The following DCLRE1C variants were observed in gnomAD, a reference collection of about 807,000 sequenced individuals.
DCLRE1C encodes protein artemis.
A neutral mutation model predicts 61.4 loss-of-function variants in DCLRE1C; 47 were observed. That is an observed-to-expected ratio of 0.77 (90% CI 0.61 to 0.98). DCLRE1C has a LOEUF of 0.98. Among genes scored for constraint, DCLRE1C ranks in the 50% least tolerant of loss-of-function variants. The pLI is 0.00. For missense variants in DCLRE1C, 858 were observed against 816.0 expected, an observed-to-expected ratio of 1.05 and a Z score of -0.63; for synonymous variants, 337 against 287.6, an observed-to-expected ratio of 1.17 and a Z score of -1.74.
intron 2 of DCLRE1C, among the ~76,000 whole-genome samples, chr10:14,946,071 G>A (rs113087568): frequency 1.3e-5 from 2 of 149,398 alleles, no homozygotes; most frequent in African/African-American, 5.0e-5. Flanking sequence ...GCGGTGGCGC[G>A]ATCTCGGCTC....
Position 14,905,764 on chromosome 10 carries a change from C to T in DCLRE1C, c.*2644G>A, listed in dbSNP as rs1834340933. 6.6e-6 allele frequency among the ~76,000 whole-genome samples: 1 copy of T among 152,150 alleles called. No individual in the cohort carries two copies. The highest frequency in any genetic ancestry group is 2.1e-4 in the South Asian group (1 of 4,836). On this transcript the variant is annotated 3_prime_UTR_variant, in exon 14 of 14. Transcript: ENST00000378278. ...CTTTGGGAGGCCGAGGCGAGTGGAT[C>T]ACCAGAGGTCAGGAGTTCAAGACCA...
At chr10:14,930,161 G>A (rs1838723639) in intron 9 of DCLRE1C, among the ~76,000 whole-genome samples, 1 of 152,020 alleles carries the variant, frequency 6.6e-6, no homozygotes, top group Non-Finnish European at 1.5e-5. Context: ...ACCCAGGCTG[G>A]AGTGCAGTGG....
intron 13 of DCLRE1C, among the ~76,000 whole-genome samples, chr10:14,910,912 C>T (rs1019850476): frequency 6.6e-6 from 1 of 152,192 alleles, no homozygotes; most frequent in Non-Finnish European, 1.5e-5. Flanking sequence ...GCCTGACTCC[C>T]TGCTTCATAA....
At position 14,908,165 on chromosome 10, in the gene DCLRE1C, CTTTTTTTTTT is replaced by C. The variant is rs750020058; in HGVS notation, c.*233_*242del. 28 of 197,858 alleles carry C rather than the reference CTTTTTTTTTT, an allele frequency of 1.4e-4. No homozygotes were observed. The highest frequency in any genetic ancestry group is 7.2e-4 in the African/African-American group (14 of 19,470). 12.3% of individuals were successfully genotyped at this position (197,858 alleles called of 1,614,324 possible). A position where few individuals can be genotyped will look rare whatever the true frequency, so the allele number is the denominator to read the frequency against. The stretch of plus-strand genomic sequence containing the variant: ...CAGAGTAGCCCACCACCATGCCTGG[CTTTTTTTTTT>C]TTTTTTTTTTTTGTAAGTAGAGACA... On this transcript the variant is annotated 3_prime_UTR_variant, in exon 14 of 14. Coordinates refer to ENST00000378278, the MANE Select transcript of DCLRE1C (RefSeq NM_001033855.3).
At position 14,922,907 on chromosome 10, in the gene DCLRE1C, G is replaced by A. The variant is rs536632412; in HGVS notation, c.1061+74C>T. 12 of 1,037,934 alleles carry A rather than the reference G, an allele frequency of 1.2e-5. No individual in the cohort carries two copies. In the African/African-American group the frequency reaches 1.4e-4, roughly 12 times the overall value. The allele number at this position is 1,037,934 out of a possible 1,614,324, so 64.3% of individuals were successfully genotyped here. A position where few individuals can be genotyped will look rare whatever the true frequency, so the allele number is the denominator to read the frequency against. On this transcript the variant is annotated intron_variant, in intron 12 of 13. Coordinates refer to ENST00000378278, the MANE Select transcript of DCLRE1C (RefSeq NM_001033855.3). ...CAGATTCTAGACTTGTAAACATTCA[G>A]GCAAACTCTCCTTTGTGTCCTAGCC...
At chr10:14,951,724 A>T (rs1842493052) in intron 1 of DCLRE1C, among the ~76,000 whole-genome samples, 1 of 152,154 alleles carries the variant, frequency 6.6e-6, no homozygotes, top group Non-Finnish European at 1.5e-5. Context: ...GCATGAGGAC[A>T]GAGCGCCCTC....
At chr10:14,949,491 C>G (rs569289965) in intron 1 of DCLRE1C, among the ~76,000 whole-genome samples, 2 of 152,162 alleles carry the variant, frequency 1.3e-5, no homozygotes, top group Non-Finnish European at 2.9e-5. Context: ...AATTCAAGTT[C>G]GTGGTCATGG....
chr10:14,913,795 T>G (rs1332762113), intron 13 of DCLRE1C, among the ~76,000 whole-genome samples: 1 of 152,208 alleles, frequency 6.6e-6, no homozygotes, highest in African/African-American at 2.4e-5. Flanking sequence ...TATATGCAAA[T>G]GTAACACCAT....
In DCLRE1C at chr10:14,945,027, G is replaced by A. The variant is rs534317035; in HGVS notation, c.246+78C>T. 156 of 1,104,312 alleles carry A rather than the reference G, an allele frequency of 1.4e-4. 2 individuals are homozygous for A. The East Asian group carries it at 4.1e-3, about 29-fold the overall frequency. The allele number at this position is 1,104,312 out of a possible 1,614,324, so 68.4% of individuals were successfully genotyped here. On this transcript the variant is annotated intron_variant, in intron 3 of 13. Transcript: ENST00000378278. The stretch of plus-strand genomic sequence containing the variant: ...ATAACTGAAGTATGTTACAAACTGA[G>A]GCAAAGTTTTTGTCAATCTACCTCT...
At chr10:14,913,638 T>TCAAA (rs1266153586) in intron 13 of DCLRE1C, among the ~76,000 whole-genome samples, 1 of 152,104 alleles carries the variant, frequency 6.6e-6, no homozygotes, top group African/African-American at 2.4e-5. Context: ...TGACCACAGA[T>TCAAA]CAAACATATT....
chr10:14,935,961 G>C (rs1839838757), intron 5 of DCLRE1C, among the ~76,000 whole-genome samples: 1 of 152,142 alleles, frequency 6.6e-6, no homozygotes, highest in Admixed American at 6.5e-5. Flanking sequence ...CAGGCTGCAA[G>C]GCAGTGGCTC....
At position 14,944,033 on chromosome 10, in the gene DCLRE1C, C is replaced by T. The variant is rs111820863; in HGVS notation, c.246+1072G>A. 7.6e-3 allele frequency among the ~76,000 whole-genome samples: 1,158 copies of T among 152,206 alleles called. 7 individuals are homozygous for T. Among genetic ancestry groups the T allele is most frequent in the South Asian group, 0.021 (103 of 4,824 alleles). The stretch of plus-strand genomic sequence containing the variant: ...ACAGATGCATTTTATTCTGCCAGAC[C>T]GAAAGTTACCCATTCTATCTGTATT... On this transcript the variant is annotated intron_variant, in intron 3 of 13. Coordinates refer to ENST00000378278, the MANE Select transcript of DCLRE1C (RefSeq NM_001033855.3).
downstream of DCLRE1C, chr10:14,904,296 C>G (rs1434118656): frequency 3.0e-5 from 4 of 134,436 alleles, no homozygotes; most frequent in African/African-American, 1.1e-4. Flanking sequence ...CACAGTAAGA[C>G]TGTCTCCAAA....
chr10:14,932,787 A>C, intron 9 of DCLRE1C, 67 bp downstream of exon 9: 1 of 1,573,650 alleles, frequency 6.4e-7, no homozygotes, highest in Non-Finnish European at 8.7e-7. Flanking sequence ...TATAAATGGA[A>C]GCCCTGACCT....
At chr10:14,953,288 C>G (rs542119236) in intron 1 of DCLRE1C, among the ~76,000 whole-genome samples, 2 of 152,344 alleles carry the variant, frequency 1.3e-5, no homozygotes, top group Admixed American at 6.5e-5. Context: ...CAGCGACACT[C>G]TAACCTTAAT....
chr10:14,925,787 T>G (rs1837869762), intron 11 of DCLRE1C, among the ~76,000 whole-genome samples: 1 of 152,170 alleles, frequency 6.6e-6, no homozygotes, highest in Non-Finnish European at 1.5e-5. Context: ...CACAAAAATA[T>G]GAAAAACATG....
At chr10:14,902,000 CCTTT>C (rs1308791877), downstream of DCLRE1C, among the ~76,000 whole-genome samples, 1 of 152,120 alleles carries the variant, frequency 6.6e-6, no homozygotes, top group Non-Finnish European at 1.5e-5. Context: ...TGTTTTCTTT[CCTTT>C]AAGAATGATG....
At chr10:14,921,823 C>A (rs1292948250) in intron 12 of DCLRE1C, among the ~76,000 whole-genome samples, 1 of 152,180 alleles carries the variant, frequency 6.6e-6, no homozygotes, top group Non-Finnish European at 1.5e-5. Flanking sequence ...TCCCTCCTCC[C>A]ACTCCTGGTG....
chr10:14,923,244 G>A, intron 11 of DCLRE1C, 175 bp from the exon 12 acceptor site: 1 of 611,840 alleles, frequency 1.6e-6, no homozygotes. Context: ...CCAATGCCTG[G>A]GCCTCACTCC....
Sources: allele counts gnomAD v4.1 joint callset (sites outside exome capture counted in the v4.1 genomes callset), GRCh38; gene constraint gnomAD v4.1.1; transcripts MANE v1.5; gene names NCBI Gene and HGNC (gene_info 2026-07-23, HGNC 2026-07-21).